Variants in GABPA observed in about 807,000 individuals in gnomAD.
The protein encoded by GABPA is GA-binding protein alpha chain.
GABPA carries 4 observed loss-of-function variants against 59.4 expected under a neutral mutation model. The ratio of observed to expected loss-of-function variants is 0.07; its 90% CI spans 0.03 to 0.15. GABPA has a LOEUF of 0.15. Ranked by LOEUF, GABPA falls within the 10% of genes least tolerant of loss-of-function variation. GABPA has a pLI of 1.00. For synonymous variants in GABPA, 164 were observed against 183.1 expected, an observed-to-expected ratio of 0.90 and a Z score of 0.84; for missense variants, 251 against 543.8, an observed-to-expected ratio of 0.46 and a Z score of 5.36.
chr21:25,759,161 A>G (rs1429169041), intron 6 of GABPA, among the ~76,000 whole-genome samples: 2 of 152,164 alleles, frequency 1.3e-5, no homozygotes, highest in Non-Finnish European at 2.9e-5. Context: ...ATTTTAATCC[A>G]TCTTATATTT....
At chr21:25,764,489 T>C in intron 8 of GABPA, 106 bp from the exon 9 acceptor site, 1 of 1,440,956 alleles carries the variant, frequency 6.9e-7, no homozygotes, top group South Asian at 1.3e-5. Context: ...AAACAAAAAT[T>C]GTTTTTGCCA....
intron 6 of GABPA, among the ~76,000 whole-genome samples, chr21:25,759,383 G>A (rs1182171615): frequency 1.3e-5 from 2 of 152,032 alleles, no homozygotes; most frequent in East Asian, 1.9e-4. Flanking sequence ...TTTTTCCACC[G>A]TAATTCAATG....
chr21:25,767,690 A>G (rs372287653), intron 9 of GABPA, among the ~76,000 whole-genome samples: 3 of 152,204 alleles, frequency 2.0e-5, no homozygotes, highest in African/African-American at 7.2e-5. Flanking sequence ...TGATATGCCT[A>G]TAGCATTTTT....
chr21:25,762,230 GTTTA>G (rs1218647307), intron 6 of GABPA, 78 bp from the exon 7 acceptor site: 3 of 699,962 alleles, frequency 4.3e-6, no homozygotes, highest in Non-Finnish European at 7.4e-6. Flanking sequence ...AAAGAACCAT[GTTTA>G]TTAAGTTGAG....
At chr21:25,735,876 T>C (rs1027206442) in intron 1 of GABPA, among the ~76,000 whole-genome samples, 2 of 152,088 alleles carry the variant, frequency 1.3e-5, no homozygotes, top group African/African-American at 4.8e-5. Flanking sequence ...CTCCCTCCTT[T>C]CCGCGTCCCC....
Position 25,760,681 on chromosome 21 carries a change from A to G in GABPA, c.749-1631A>G, listed in dbSNP as rs71651627. 4.9e-3 allele frequency among the ~76,000 whole-genome samples: 740 copies of G among 152,242 alleles called. 6 individuals carry two copies. The highest frequency in any genetic ancestry group is 0.017 in the African/African-American group (697 of 41,540). On this transcript the variant is annotated intron_variant, in intron 6 of 9. Coordinates refer to ENST00000400075, the MANE Select transcript of GABPA (RefSeq NM_002040.4). ...TTGCTAAGGGTTTTATTTAGGAAAAATAATTGTTTTATTCCTGTAGTGTCT... is the reference window on the plus strand; with the variant it reads ...TTGCTAAGGGTTTTATTTAGGAAAAGTAATTGTTTTATTCCTGTAGTGTCT...
chr21:25,771,911 A>T lies in GABPA; in HGVS notation c.*2679A>T, dbSNP rs2036016729. 6.6e-6 allele frequency: 1 copy of T among 152,100 alleles called. No homozygotes were observed. Among genetic ancestry groups the T allele is most frequent in the Admixed American group, 6.5e-5 (1 of 15,284 alleles). 9.4% of individuals were successfully genotyped at this position (152,100 alleles called of 1,614,324 possible). A position where few individuals can be genotyped will look rare whatever the true frequency, so the allele number is the denominator to read the frequency against. On this transcript the variant is annotated 3_prime_UTR_variant, in exon 10 of 10. Coordinates refer to ENST00000400075, the MANE Select transcript of GABPA (RefSeq NM_002040.4). ...GCTATGTGTGGTTGATCTTCAGATA[A>T]ATTGACTGATCACAGTTATTTTTGT...
At chr21:25,766,216 C>G (rs1269969145) in intron 9 of GABPA, among the ~76,000 whole-genome samples, 1 of 151,992 alleles carries the variant, frequency 6.6e-6, no homozygotes, top group Non-Finnish European at 1.5e-5. Context: ...ATAATTTACT[C>G]TCCATCTCTG....
At chr21:25,761,064 A>G (rs575330470) in intron 6 of GABPA, among the ~76,000 whole-genome samples, 73 of 152,154 alleles carry the variant, frequency 4.8e-4, no homozygotes, top group Non-Finnish European at 8.2e-4. Flanking sequence ...AGGAACTTTT[A>G]TAAAATTCTG....
At position 25,743,887 on chromosome 21, in the gene GABPA, T is replaced by TA. The variant is rs1465985106; in HGVS notation, c.78-1322dup. Reference sequence around the variant, plus strand: ...CCAACATGCCAGTCTCTACAAAAAATACAAAAATTAGCTAGGCATGGTGGC... The same window carrying TA: ...CCAACATGCCAGTCTCTACAAAAAATAACAAAAATTAGCTAGGCATGGTGGC... On this transcript the variant is annotated intron_variant, in intron 2 of 9. Coordinates refer to ENST00000400075, the MANE Select transcript of GABPA (RefSeq NM_002040.4). Among the ~76,000 whole-genome samples, 13 of 151,684 alleles carry TA rather than the reference T, an allele frequency of 8.6e-5. 1 individual carries two copies. The South Asian group carries it at 2.5e-3, about 29-fold the overall frequency.
At chr21:25,751,968 T>G in intron 4 of GABPA, 21 bp from the exon 5 acceptor site, 3 of 1,602,728 alleles carry the variant, frequency 1.9e-6, no homozygotes, top group Non-Finnish European at 2.6e-6. Flanking sequence ...GATTTACAAT[T>G]TTTTTTTATC....
chr21:25,746,893 A>G (rs1010559267), intron 3 of GABPA, among the ~76,000 whole-genome samples: 4 of 152,246 alleles, frequency 2.6e-5, no homozygotes, highest in African/African-American at 7.2e-5. Flanking sequence ...AACACCTCAA[A>G]TGTTCCAAAA....
At chr21:25,738,658 A>G (rs1395983787) in intron 1 of GABPA, among the ~76,000 whole-genome samples, 1 of 152,224 alleles carries the variant, frequency 6.6e-6, no homozygotes, top group Non-Finnish European at 1.5e-5. Flanking sequence ...TTCATTTTAT[A>G]TGGTGTGAAA....
intron 1 of GABPA, among the ~76,000 whole-genome samples, chr21:25,738,039 T>G (rs2035125202): frequency 6.6e-6 from 1 of 152,214 alleles, no homozygotes; most frequent in South Asian, 2.1e-4. Flanking sequence ...TTAACCAATT[T>G]GAGAATTTTT....
intron 6 of GABPA, among the ~76,000 whole-genome samples, chr21:25,759,597 A>G (rs1170394173): frequency 6.6e-6 from 1 of 152,088 alleles, no homozygotes; most frequent in East Asian, 1.9e-4. Flanking sequence ...ATTCTCCCAG[A>G]TGTTTTTTTT....
chr21:25,740,785 ATAT>A (rs1247747473), intron 1 of GABPA, among the ~76,000 whole-genome samples: 1 of 152,200 alleles, frequency 6.6e-6, no homozygotes, highest in African/African-American at 2.4e-5. Flanking sequence ...CTGTTTTATA[ATAT>A]TCTTGCATTT....
At chr21:25,750,263 G>T (rs909972677) in intron 4 of GABPA, among the ~76,000 whole-genome samples, 2 of 152,166 alleles carry the variant, frequency 1.3e-5, no homozygotes, top group Non-Finnish European at 2.9e-5. Context: ...GAAAGGGAGC[G>T]ACTGTAAATA....
chr21:25,769,377 C>T lies in GABPA; in HGVS notation c.*145C>T. Reference sequence around the variant, plus strand: ...GATTTTTTTATAAATATTTCATACTCTTGTGAATTTGGATCTTTTTACTTT... The same window carrying T: ...GATTTTTTTATAAATATTTCATACTTTTGTGAATTTGGATCTTTTTACTTT... On this transcript the variant is annotated 3_prime_UTR_variant, in exon 10 of 10. Coordinates refer to ENST00000400075, the MANE Select transcript of GABPA (RefSeq NM_002040.4). 1 of 584,766 alleles carries T rather than the reference C, an allele frequency of 1.7e-6. No individual in the cohort carries two copies. Among genetic ancestry groups the T allele is most frequent in the Admixed American group, 3.0e-5 (1 of 33,042 alleles). The allele number at this position is 584,766 out of a possible 1,614,324, so 36.2% of individuals were successfully genotyped here. A position where few individuals can be genotyped will look rare whatever the true frequency, so the allele number is the denominator to read the frequency against.
At chr21:25,738,170 T>C (rs1437239040) in intron 1 of GABPA, among the ~76,000 whole-genome samples, 6 of 152,340 alleles carry the variant, frequency 3.9e-5, no homozygotes, top group East Asian at 3.9e-4. Flanking sequence ...GGGAATCTTA[T>C]GTCCCTGCTA....
Sources: gnomAD v4.1 joint callset for allele counts (sites outside exome capture counted in the v4.1 genomes callset) on GRCh38, gnomAD v4.1.1 for gene constraint, MANE v1.5 for transcripts, NCBI Gene and HGNC (gene_info 2026-07-23, HGNC 2026-07-21) for gene names.